Variants in LDHC observed in about 807,000 individuals in gnomAD.
The protein encoded by LDHC is L-lactate dehydrogenase C chain.
In LDHC, 20 loss-of-function variants were observed where a neutral mutation model predicts 30.2. That is an observed-to-expected ratio of 0.66 (90% CI 0.47 to 0.96). The LOEUF (loss-of-function observed/expected upper bound fraction) is 0.96. Ranked by LOEUF, LDHC falls within the 40% of genes least tolerant of loss-of-function variation. LDHC has a pLI of 0.00. For synonymous variants in LDHC, 139 were observed against 132.7 expected (o/e 1.05, Z -0.32); for missense variants, 362 against 394.9 (o/e 0.92, Z 0.71).
chr11:18,412,749 A>G lies in LDHC; in HGVS notation c.32A>G (p.Lys11Arg). The stretch of plus-strand genomic sequence containing the variant: ...ACTGTCAAGGAGCAGCTAATTGAGA[A>G]GCTAATTGAGGATGATGAAAACTCC... MSTVKEQLIE[K>R]LIEDDENSQC... Residue 11 changes from lysine (K) to arginine (R), a missense_variant, in exon 2 of 8, where the codon AAG becomes AGG. Physicochemically the swap from Lys to Arg is conservative, Grantham distance 26. Coordinates refer to ENST00000541669, the MANE Select transcript of LDHC (RefSeq NM_017448.5). 6.2e-7 allele frequency: 1 copy of G among 1,614,002 alleles called. No individual in the cohort carries two copies. Among genetic ancestry groups the G allele is most frequent in the Non-Finnish European group, 8.5e-7 (1 of 1,179,846 alleles).
At chr11:18,421,717 C>G (rs1277373421) in intron 3 of LDHC, among the ~76,000 whole-genome samples, 1 of 152,008 alleles carries the variant, frequency 6.6e-6, no homozygotes, top group Non-Finnish European at 1.5e-5. Context: ...CTATGTTGCC[C>G]AGGCTGGTCT....
intron 6 of LDHC, 94 bp from the exon 7 acceptor site, chr11:18,446,116 T>C: frequency 9.9e-7 from 1 of 1,014,012 alleles, no homozygotes; most frequent in South Asian, 1.4e-5. Flanking sequence ...TGCATTGACA[T>C]GTAGATAACT....
intron 3 of LDHC, among the ~76,000 whole-genome samples, chr11:18,429,268 A>G (rs950905745): frequency 4.0e-5 from 6 of 151,502 alleles, no homozygotes; most frequent in Non-Finnish European, 7.4e-5. Flanking sequence ...ATGTGCTGCC[A>G]CTCCCAGCTA....
rs1866917822 is a variant in LDHC at position 18,412,806 on chromosome 11, C to CCCA, written c.90_91insCAC (p.Ala30_Val31insHis). On this transcript the variant is annotated inframe_insertion, in exon 2 of 8. Transcript: ENST00000541669. ...AAAATTACTATTGTTGGAACTGGTG[C>CCCA]CGTAGGCATGGCTTGTGCTATTAGT... 6.2e-7 allele frequency: 1 copy of CCCA among 1,613,866 alleles called. No individual in the cohort carries two copies. Among genetic ancestry groups the CCCA allele is most frequent in the Non-Finnish European group, 8.5e-7 (1 of 1,179,786 alleles).
At chr11:18,439,833 A>AAC (rs1554964779) in intron 6 of LDHC, among the ~76,000 whole-genome samples, 2 of 148,548 alleles carry the variant, frequency 1.3e-5, no homozygotes, top group Admixed American at 6.7e-5. Context: ...AAAAAAAAAA[A>AAC]AAACAAAAAT....
At position 18,438,562 on chromosome 11, in the gene LDHC, T is replaced by G; in HGVS notation, c.627T>G (p.Val209=). The change falls in exon 6 of 8, where the codon GTT becomes GTG. Residue 209 remains valine, a synonymous_variant. Transcript: ENST00000541669. Reference sequence around the variant, plus strand: ...GGAGTGGGGTGAATGTTGCTGGTGTTGCTCTGAAGACTCTGGACCCTAAAT... The same window carrying G: ...GGAGTGGGGTGAATGTTGCTGGTGTGGCTCTGAAGACTCTGGACCCTAAAT... ...PLWSGVNVAG[V]ALKTLDPKLG... The G allele has an allele frequency of 6.2e-7, 1 of 1,613,164 alleles. No individual in the cohort carries two copies. The highest frequency in any genetic ancestry group is 8.5e-7 in the Non-Finnish European group (1 of 1,179,114).
chr11:18,447,696 G>C (rs897939078), intron 7 of LDHC, among the ~76,000 whole-genome samples: 2 of 152,178 alleles, frequency 1.3e-5, no homozygotes, highest in African/African-American at 4.8e-5. Flanking sequence ...AGCTGAATTA[G>C]ATGATCTTCA....
At chr11:18,424,833 C>G (rs1334770539) in intron 3 of LDHC, among the ~76,000 whole-genome samples, 1 of 152,150 alleles carries the variant, frequency 6.6e-6, no homozygotes, top group Non-Finnish European at 1.5e-5. Context: ...CATGGCGAAA[C>G]CCTGTCTCTA....
rs1253169784 is a variant in LDHC, at chr11:18,438,592, A to T, written c.657A>T (p.Gly219=). 1 of 1,613,424 alleles carries T rather than the reference A, an allele frequency of 6.2e-7. No homozygotes were observed. The highest frequency in any genetic ancestry group is 1.7e-5 in the Admixed American group (1 of 60,010). Residue 219 remains glycine, a synonymous_variant, in exon 6 of 8, where the codon GGA becomes GGT. Transcript: ENST00000541669. ...VALKTLDPKL[G]TDSDKEHWKN... is the part of the protein sequence containing the mutation. ...TGAAGACTCTGGACCCTAAATTAGG[A>T]ACGGATTCAGATAAGGAACACTGGA...
intron 7 of LDHC, among the ~76,000 whole-genome samples, chr11:18,448,508 C>T (rs1848592726): frequency 1.3e-5 from 2 of 152,102 alleles, no homozygotes; most frequent in Admixed American, 1.3e-4. Context: ...GTCTTGAACT[C>T]GTGACCTGAA....
At chr11:18,440,815 G>C (rs1048095855) in intron 6 of LDHC, among the ~76,000 whole-genome samples, 1 of 151,720 alleles carries the variant, frequency 6.6e-6, no homozygotes, top group African/African-American at 2.4e-5. Context: ...TGTAGTCCCA[G>C]CTACTGGGGT....
rs1221950581 is a variant in LDHC, at chr11:18,436,506, G to A, written c.592+1593G>A. ...GTTTTTTTTTTTTTTTTTTTTTTGA[G>A]ACAGAGTTTCGCTCTTGTTGCCCAG... is the stretch of plus-strand genomic sequence containing the variant. On this transcript the variant is annotated intron_variant, in intron 5 of 7. Transcript: ENST00000541669. Among the ~76,000 whole-genome samples the A allele has an allele frequency of 1.5e-4, 9 of 58,294 alleles. No individual in the cohort carries two copies. In the East Asian group the frequency reaches 4.1e-3, roughly 26 times the overall value. The allele number at this position is 58,294 out of a possible 152,430, so 38.2% of individuals were successfully genotyped here. A position where few individuals can be genotyped will look rare whatever the true frequency, so the allele number is the denominator to read the frequency against.
chr11:18,449,850 C>G (rs1489430162), intron 7 of LDHC, among the ~76,000 whole-genome samples: 1 of 152,148 alleles, frequency 6.6e-6, no homozygotes, highest in Non-Finnish European at 1.5e-5. Flanking sequence ...GCATGGAAAG[C>G]TGTGAGGCAC....
intron 3 of LDHC, among the ~76,000 whole-genome samples, chr11:18,427,882 G>A (rs1312787561): frequency 6.6e-6 from 1 of 151,810 alleles, no homozygotes; most frequent in Non-Finnish European, 1.5e-5. Context: ...TCACCATGTT[G>A]GCTAGGCTGG....
chr11:18,421,724 G>A (rs1414977143), intron 3 of LDHC, among the ~76,000 whole-genome samples: 1 of 152,022 alleles, frequency 6.6e-6, no homozygotes, highest in Non-Finnish European at 1.5e-5. Flanking sequence ...GCCCAGGCTG[G>A]TCTCAAACTC....
intron 3 of LDHC, among the ~76,000 whole-genome samples, chr11:18,416,876 G>A (rs1867032226): frequency 6.6e-6 from 1 of 151,410 alleles, no homozygotes; most frequent in Non-Finnish European, 1.5e-5. Context: ...AGATTGGAGT[G>A]GCTATTTATT....
Position 18,439,220 on chromosome 11 carries a change from T to C in LDHC, c.710+575T>C, listed in dbSNP as rs528793029. Among the ~76,000 whole-genome samples the C allele has an allele frequency of 5.3e-5, 8 of 152,280 alleles. No individual in the cohort carries two copies. The South Asian group carries it at 1.7e-3, about 32-fold the overall frequency. ...TAGCCTTAACAGCACACAGGATTAT[T>C]CTTCATGGTTTAGTCAAGAGTCAAG... On this transcript the variant is annotated intron_variant, in intron 6 of 7. Coordinates refer to ENST00000541669, the MANE Select transcript of LDHC (RefSeq NM_017448.5).
Position 18,451,016 on chromosome 11 carries a change from G to A in LDHC, c.888G>A (p.Gly296=). Residue 296 remains glycine (G), a synonymous_variant, in exon 8 of 8, where the codon GGG becomes GGA. Coordinates refer to ENST00000541669, the MANE Select transcript of LDHC (RefSeq NM_017448.5). ...TTCTCAGTATCCCTTGTGTCTTGGG[G>A]CGGAATGGTGTCTCAGATGTTGTGA... The part of the protein sequence containing the change: ...ELFLSIPCVL[G]RNGVSDVVKI... 1 of 1,595,074 alleles carries A rather than the reference G, an allele frequency of 6.3e-7. No homozygotes were observed. The highest frequency in any genetic ancestry group is 1.4e-5 in the African/African-American group (1 of 73,988).
chr11:18,414,019 C>G (rs2134043278), intron 2 of LDHC, among the ~76,000 whole-genome samples: 2 of 152,296 alleles, frequency 1.3e-5, no homozygotes, highest in Admixed American at 1.3e-4. Context: ...TTTAGATTTT[C>G]TCTGTTGGCT....
Sources: gnomAD v4.1 joint callset for allele counts (sites outside exome capture counted in the v4.1 genomes callset) on GRCh38, gnomAD v4.1.1 for gene constraint, MANE v1.5 for transcripts, NCBI Gene and HGNC (gene_info 2026-07-23, HGNC 2026-07-21) for gene names.